Variants in DMD observed in about 807,000 individuals in gnomAD.
DMD encodes mutant dystrophin.
Under a neutral mutation model 330.1 loss-of-function variants are expected in DMD, and 63 were observed. The observed-to-expected ratio is 0.19, with a 90% confidence interval of 0.16 to 0.24. The LOEUF is 0.24. DMD is among the 10% of genes least tolerant of loss of function. DMD has a pLI of 1.00. For missense variants in DMD, 3,344 were observed against 2,684.1 expected (o/e 1.25, Z -5.43); for synonymous variants, 1,223 against 959.8 (o/e 1.27, Z -5.07).
intron 62 of DMD, among the ~76,000 whole-genome samples, chrX:31,316,724 G>A (rs1054026762): frequency 8.9e-6 from 1 of 112,075 alleles, no homozygotes; most frequent in Non-Finnish European, 1.9e-5. Flanking sequence ...CTCAGGTAAC[G>A]TGACCTTTGA....
chrX:32,500,378 C>A (rs746157970), intron 19 of DMD, among the ~76,000 whole-genome samples: 1 of 111,339 alleles, frequency 9.0e-6, no homozygotes, highest in South Asian at 3.7e-4. Context: ...ACTAGTCACA[C>A]GATCATTTAA....
intron 2 of DMD, among the ~76,000 whole-genome samples, chrX:32,873,550 C>T (rs6631656): frequency 9.0e-6 from 1 of 111,519 alleles, no homozygotes; most frequent in East Asian, 2.8e-4. Flanking sequence ...CATCAAGGCA[C>T]ATTTCTGAGC....
At chrX:31,141,167 G>A (rs2035990880) in intron 76 of DMD, among the ~76,000 whole-genome samples, 1 of 110,674 alleles carries the variant, frequency 9.0e-6, no homozygotes, top group Admixed American at 9.6e-5. Context: ...ACTCCAGCCT[G>A]GGCAATAAAG....
chrX:32,980,785 C>T (rs1011550755), intron 2 of DMD, among the ~76,000 whole-genome samples: 46 of 111,553 alleles, frequency 4.1e-4, no homozygotes, highest in African/African-American at 1.4e-3. Context: ...TCAATTAAGC[C>T]GCACATATAG....
chrX:32,849,067 A>G (rs1012665657), intron 3 of DMD, among the ~76,000 whole-genome samples: 3 of 111,578 alleles, frequency 2.7e-5, no homozygotes, highest in Non-Finnish European at 5.6e-5. Context: ...ATTTAGCAGA[A>G]TTTGATAGGT....
chrX:32,857,887 A>T (rs183776282), intron 2 of DMD, among the ~76,000 whole-genome samples: 24 of 111,654 alleles, frequency 2.1e-4, no homozygotes, highest in Non-Finnish European at 3.0e-4. Flanking sequence ...ACATAGACCA[A>T]GGTCTTTTAT....
In DMD at chrX:31,178,817, A is replaced by G; in HGVS notation, c.10087-12T>C. 1.7e-6 allele frequency: 2 copies of G among 1,208,934 alleles called. No individual in the cohort carries two copies. Among genetic ancestry groups the G allele is most frequent in the Non-Finnish European group, 2.2e-6 (2 of 893,417 alleles). On this transcript the variant is annotated splice_polypyrimidine_tract_variant and intron_variant, in intron 69 of 78. Coordinates refer to ENST00000357033, the MANE Select transcript of DMD (RefSeq NM_004006.3). ...TCTCCTGATGTAGTCTAAAAGGGAGATCATGGTGAGATCAGATTTAGGACA... is the reference window on the plus strand; with the variant it reads ...TCTCCTGATGTAGTCTAAAAGGGAGGTCATGGTGAGATCAGATTTAGGACA...
intron 2 of DMD, among the ~76,000 whole-genome samples, chrX:32,863,537 TACAC>T (rs199774174): frequency 0.058 from 4,507 of 78,138 alleles, 129 homozygotes; most frequent in Middle Eastern, 0.07. Context: ...ATTGTGTTTA[TACAC>T]ACACACACAC....
At chrX:32,353,362 G>A (rs1419980030) in intron 37 of DMD, among the ~76,000 whole-genome samples, 5 of 111,711 alleles carry the variant, frequency 4.5e-5, no homozygotes, top group Non-Finnish European at 9.5e-5. Flanking sequence ...TAATAAGAAA[G>A]CGTTTATAAT....
chrX:31,159,580 GTCT>G (rs768867334), intron 74 of DMD, among the ~76,000 whole-genome samples: 1 of 111,326 alleles, frequency 9.0e-6, no homozygotes, highest in African/African-American at 3.3e-5. Context: ...GAGGTCCTTG[GTCT>G]TCTTCTTACA....
intron 2 of DMD, among the ~76,000 whole-genome samples, chrX:33,010,314 A>G (rs749988634): frequency 1.9e-5 from 2 of 107,440 alleles, no homozygotes; most frequent in Non-Finnish European, 3.8e-5. Context: ...ATGTACATAT[A>G]TGTGTATAAA....
At chrX:32,124,905 A>T (rs539937321) in intron 44 of DMD, among the ~76,000 whole-genome samples, 19 of 108,727 alleles carry the variant, frequency 1.7e-4, no homozygotes, top group African/African-American at 6.0e-4. Context: ...AGATTCCCTG[A>T]CAAACGGAAT....
chrX:31,885,671 A>G (rs1324895166), intron 47 of DMD, among the ~76,000 whole-genome samples: 1 of 108,190 alleles, frequency 9.2e-6, no homozygotes. Context: ...AAATGGATCT[A>G]TTTAAACTTA....
intron 21 of DMD, among the ~76,000 whole-genome samples, chrX:32,481,008 G>A (rs2041837554): frequency 9.1e-6 from 1 of 109,813 alleles, no homozygotes; most frequent in African/African-American, 3.3e-5. Context: ...AGTAAATTAG[G>A]TCAATTTCCT....
chrX:31,695,201 T>C (rs1417271836), intron 52 of DMD, among the ~76,000 whole-genome samples: 1 of 111,067 alleles, frequency 9.0e-6, no homozygotes, highest in African/African-American at 3.3e-5. Flanking sequence ...TCTCACTTAT[T>C]TGTGGGATCT....
Position 31,364,609 on chromosome X carries a change from A to C in DMD, c.9085-15975T>G, listed in dbSNP as rs2059131023. Among the ~76,000 whole-genome samples the C allele has an allele frequency of 2.7e-5, 3 of 112,402 alleles. No individual in the cohort carries two copies. The Admixed American group carries it at 2.8e-4, about 11-fold the overall frequency. On this transcript the variant is annotated intron_variant, in intron 60 of 78. Transcript: ENST00000357033. ...CCTAAAAGTTGTTACAAATTACCTC[A>C]TCACAATAACTATTCAGAGCAACGT...
At chrX:32,340,867 T>C (rs1217713807) in intron 41 of DMD, among the ~76,000 whole-genome samples, 1 of 111,856 alleles carries the variant, frequency 8.9e-6, no homozygotes, top group Non-Finnish European at 1.9e-5. Context: ...AGACTTCACA[T>C]GCAATACAGT....
intron 13 of DMD, among the ~76,000 whole-genome samples, chrX:32,594,864 TTAAA>T (rs1322164304): frequency 1.8e-5 from 2 of 111,542 alleles, no homozygotes; most frequent in Non-Finnish European, 3.8e-5. Context: ...CAGCCAATAG[TTAAA>T]TAAAGTATAG....
chrX:31,288,916 T>A (rs945649585), intron 62 of DMD, among the ~76,000 whole-genome samples: 6 of 111,451 alleles, frequency 5.4e-5, no homozygotes, highest in African/African-American at 2.0e-4. Flanking sequence ...TATTTTTAGG[T>A]TTTTTGTATA....
Sources: allele counts gnomAD v4.1 joint callset (sites outside exome capture counted in the v4.1 genomes callset), GRCh38; gene constraint gnomAD v4.1.1; transcripts MANE v1.5; gene names NCBI Gene and HGNC (gene_info 2026-07-23, HGNC 2026-07-21).